DST: variants seen among roughly 807,000 people sequenced by gnomAD.
DST encodes the protein bullous pemphigoid antigen.
Under a neutral mutation model 875.2 loss-of-function variants are expected in DST, and 253 were observed. The ratio of observed to expected loss-of-function variants is 0.29; its 90% CI spans 0.26 to 0.32. DST has a LOEUF of 0.32. Ranked by LOEUF, DST falls within the 10% of genes least tolerant of loss-of-function variation. DST has a pLI of 1.00. For missense variants in DST, 8,287 were observed against 9,111.6 expected (o/e 0.91, Z 3.68); for synonymous variants, 3,124 against 3,197.1 (o/e 0.98, Z 0.77).
At chr6:56,693,793 T>C (rs1449149470) in intron 9 of DST, among the ~76,000 whole-genome samples, 1 of 151,716 alleles carries the variant, frequency 6.6e-6, no homozygotes, top group East Asian at 1.9e-4. Flanking sequence ...TCAAAACAAG[T>C]CATAAAAAAT....
At chr6:56,900,344 T>C (rs1329518069) in intron 3 of DST, 77 bp downstream of exon 3, 7 of 1,180,278 alleles carry the variant, frequency 5.9e-6, no homozygotes, top group Non-Finnish European at 8.0e-6. Context: ...AATCTGATAA[T>C]GTTTTTAAAC....
At chr6:56,583,066 G>A (rs1405082029) in intron 49 of DST, among the ~76,000 whole-genome samples, 1 of 152,226 alleles carries the variant, frequency 6.6e-6, no homozygotes, top group African/African-American at 2.4e-5. Context: ...ATGGGTGCAT[G>A]TGTCTTTATA....
intron 4 of DST, among the ~76,000 whole-genome samples, chr6:56,741,240 G>A (rs1156943305): frequency 6.6e-6 from 1 of 152,126 alleles, no homozygotes. Flanking sequence ...TGTTGTTGTT[G>A]TGCTAGATGC....
At chr6:56,482,276 A>T (rs1284986254) in intron 89 of DST, 98 bp from the exon 90 acceptor site, 8 of 1,305,738 alleles carry the variant, frequency 6.1e-6, no homozygotes, top group African/African-American at 3.0e-5. Flanking sequence ...CCTTCAATGA[A>T]AAAAAAAAAG....
At chr6:56,894,534 A>AC (rs1282382056) in intron 3 of DST, among the ~76,000 whole-genome samples, 5 of 32,946 alleles carry the variant, frequency 1.5e-4, no homozygotes, top group Admixed American at 2.7e-4. Context: ...CGGGGGGCTG[A>AC]CCCCCCCCAC....
chr6:56,653,418 G>T (rs1052133801), intron 10 of DST, among the ~76,000 whole-genome samples: 1 of 152,158 alleles, frequency 6.6e-6, no homozygotes, highest in African/African-American at 2.4e-5. Flanking sequence ...GGGTGCGGTG[G>T]CTCATACCTA....
At chr6:56,857,054 C>A (rs908794476) in intron 3 of DST, among the ~76,000 whole-genome samples, 2 of 151,546 alleles carry the variant, frequency 1.3e-5, no homozygotes, top group Non-Finnish European at 2.9e-5. Context: ...CTCCATTGCC[C>A]AGGCTGGAGT....
chr6:56,936,546 G>A (rs62411430), intron 2 of DST, among the ~76,000 whole-genome samples: 8,195 of 152,194 alleles, frequency 0.054, 344 homozygotes, highest in East Asian at 0.16. Flanking sequence ...CTCAGAGAAA[G>A]TACAGAAATC....
intron 4 of DST, among the ~76,000 whole-genome samples, chr6:56,823,436 G>C (rs2099775527): frequency 6.6e-6 from 1 of 151,780 alleles, no homozygotes; most frequent in Admixed American, 6.6e-5. Context: ...TTTTGAGACA[G>C]AGTCTCGCTC....
intron 3 of DST, among the ~76,000 whole-genome samples, chr6:56,878,106 G>A (rs1298151752): frequency 5.3e-5 from 8 of 152,280 alleles, no homozygotes; most frequent in African/African-American, 1.7e-4. Context: ...TGACAACCAC[G>A]TTAGGACAGT....
intron 3 of DST, among the ~76,000 whole-genome samples, chr6:56,888,451 G>A (rs1244528423): frequency 6.6e-6 from 1 of 152,088 alleles, no homozygotes; most frequent in Admixed American, 6.6e-5. Context: ...TCCTCTAAGA[G>A]CTTTGGATTT....
chr6:56,531,489 CT>C (rs1274072523), intron 64 of DST, among the ~76,000 whole-genome samples: 1 of 152,166 alleles, frequency 6.6e-6, no homozygotes, highest in Non-Finnish European at 1.5e-5. Context: ...GATTTTTCAC[CT>C]CTTTGGGAGC....
chr6:56,869,287 A>T (rs1439037302), intron 3 of DST, among the ~76,000 whole-genome samples: 3 of 152,226 alleles, frequency 2.0e-5, no homozygotes, highest in African/African-American at 4.8e-5. Context: ...TAAATGAATC[A>T]GCAAAGGGGC....
chr6:56,529,593 T>C lies in DST; in HGVS notation c.17450A>G (p.Gln5817Arg), dbSNP rs761791970. 119 of 1,613,770 alleles carry C rather than the reference T, an allele frequency of 7.4e-5. 1 individual carries two copies. The South Asian group carries it at 1.1e-3, about 14-fold the overall frequency. ...EKSHSRSELL[Q>R]QALCNAKIFG... ...AATCTTAGCATTACATAAGGCCTGCTGGAGGAGCTCAGACCTGCTGTGACT... is the reference window on the plus strand; with the variant it reads ...AATCTTAGCATTACATAAGGCCTGCCGGAGGAGCTCAGACCTGCTGTGACT... The change falls in exon 66 of 104, where the codon CAG (glutamine) becomes CGG (arginine). Residue 5817 changes from glutamine (Q) to arginine (R), a missense_variant. By Grantham distance (43) the Gln-to-Arg change is conservative. Coordinates refer to ENST00000680361, the MANE Select transcript of DST (RefSeq NM_001374736.1).
intron 4 of DST, among the ~76,000 whole-genome samples, chr6:56,819,459 T>C (rs2153045168): frequency 6.6e-6 from 1 of 152,306 alleles, no homozygotes; most frequent in African/African-American, 2.4e-5. Flanking sequence ...CCATTTTACT[T>C]AGTGAAATTA....
chr6:56,677,723 G>A (rs573572638), intron 9 of DST, among the ~76,000 whole-genome samples: 3 of 152,152 alleles, frequency 2.0e-5, no homozygotes, highest in African/African-American at 4.8e-5. Flanking sequence ...TCAGAAACTT[G>A]AAGCCTTCAT....
Position 56,463,751 on chromosome 6 carries a change from T to C in DST, c.22773A>G (p.Thr7591=), listed in dbSNP as rs776311305. 1 of 1,614,034 alleles carries C rather than the reference T, an allele frequency of 6.2e-7. No homozygotes were observed. The highest frequency in any genetic ancestry group is 8.5e-7 in the Non-Finnish European group (1 of 1,179,894). ...TGAACTTCTCACGCAGTTCCATGTT[T>C]GTCCTTCCTTTGGCTGGGTTATACA... is the stretch of plus-strand genomic sequence containing the variant. ...TTQPTIAKGR[T]NMELREKFIL... is the part of the protein sequence containing the mutation. Residue 7591 remains threonine (T), a synonymous_variant, in exon 101 of 104, where the codon ACA becomes ACG. Coordinates refer to ENST00000680361, the MANE Select transcript of DST (RefSeq NM_001374736.1).
chr6:56,689,925 C>A (rs976802308), intron 9 of DST, among the ~76,000 whole-genome samples: 6 of 152,140 alleles, frequency 3.9e-5, no homozygotes, highest in East Asian at 1.9e-4. Flanking sequence ...AGGTAGGAAA[C>A]CTTGTCACAA....
Position 56,636,618 on chromosome 6 carries a change from C to A in DST, c.2999G>T (p.Trp1000Leu), listed in dbSNP as rs758893703. ...YRAAMQTQWSWILQLCQCVEQ... is the reference protein window; with the variant it reads ...YRAAMQTQWSLILQLCQCVEQ... ...CACACACTGGCAGAGCTGTAAGATC[C>A]AGCTCCACTGCGTCTGCATTGCCGC... is the stretch of plus-strand genomic sequence containing the variant. The change falls in exon 23 of 104, where the codon TGG becomes TTG. Residue 1000 changes from tryptophan to leucine, a missense_variant. Coordinates refer to ENST00000680361, the MANE Select transcript of DST (RefSeq NM_001374736.1). The A allele has an allele frequency of 1.2e-6, 2 of 1,613,680 alleles. No homozygotes were observed. Among genetic ancestry groups the A allele is most frequent in the Non-Finnish European group, 1.7e-6 (2 of 1,179,982 alleles).
Sources: gnomAD v4.1 joint callset for allele counts (sites outside exome capture counted in the v4.1 genomes callset) on GRCh38, gnomAD v4.1.1 for gene constraint, MANE v1.5 for transcripts, NCBI Gene and HGNC (gene_info 2026-07-23, HGNC 2026-07-21) for gene names.